The following BABAM2 variants were observed in gnomAD, a reference collection of about 807,000 sequenced individuals.
BABAM2 encodes BRISC and BRCA1-A complex member 2.
In BABAM2, 31 loss-of-function variants were observed where a neutral mutation model predicts 54.7. The ratio of observed to expected loss-of-function variants is 0.57; its 90% confidence interval spans 0.43 to 0.77. The LOEUF is 0.77. Ranked by LOEUF, BABAM2 falls within the 30% of genes least tolerant of loss-of-function variation. The probability of loss-of-function intolerance (pLI) is 0.00; values close to 1 mark genes in which losing one functional copy is unlikely to be tolerated. For synonymous variants in BABAM2, 167 were observed against 162.9 expected (o/e 1.03, Z -0.19); for missense variants, 364 against 455.8 (o/e 0.80, Z 1.83).
At chr2:28,104,346 AAAAC>A (rs1253955291) in intron 6 of BABAM2, among the ~76,000 whole-genome samples, 2 of 152,236 alleles carry the variant, frequency 1.3e-5, no homozygotes, top group African/African-American at 4.8e-5. Context: ...TTACAAGAAA[AAAAC>A]AAACAACCCC....
rs528547612 is a variant in BABAM2 at position 28,062,285 on chromosome 2, G to A, written c.570+16486G>A. Among the ~76,000 whole-genome samples the A allele has an allele frequency of 8.6e-5, 13 of 150,294 alleles. No homozygotes were observed. In the South Asian group the frequency reaches 2.7e-3, roughly 32 times the overall value. On this transcript the variant is annotated intron_variant, in intron 6 of 11. Coordinates refer to ENST00000379624, the MANE Select transcript of BABAM2 (RefSeq NM_199191.3). ...AAAAAAAAAAAAAACAAAAAACCTG[G>A]CCGGGCATGGTGGCACACACCTGTA...
At chr2:28,307,314 G>A (rs1347925086) in intron 11 of BABAM2, among the ~76,000 whole-genome samples, 4 of 151,514 alleles carry the variant, frequency 2.6e-5, no homozygotes, top group African/African-American at 9.7e-5. Flanking sequence ...GCCTTAATTG[G>A]AGTATTTCAT....
chr2:27,940,941 C>G (rs576441677), intron 3 of BABAM2, among the ~76,000 whole-genome samples: 1 of 152,168 alleles, frequency 6.6e-6, no homozygotes, highest in Non-Finnish European at 1.5e-5. Flanking sequence ...AACCAACCCC[C>G]GACTTCTGTT....
At chr2:28,257,783 G>T (rs951441686) in intron 10 of BABAM2, among the ~76,000 whole-genome samples, 1 of 152,148 alleles carries the variant, frequency 6.6e-6, no homozygotes, top group Non-Finnish European at 1.5e-5. Context: ...TACTCAGAAG[G>T]CTGAAGTGGG....
At chr2:28,037,067 A>T (rs1034553884) in intron 5 of BABAM2, among the ~76,000 whole-genome samples, 6 of 152,228 alleles carry the variant, frequency 3.9e-5, no homozygotes, top group East Asian at 3.9e-4. Flanking sequence ...AGTTTTTTTT[A>T]AATTCCTTAA....
intron 7 of BABAM2, among the ~76,000 whole-genome samples, chr2:28,196,075 C>T (rs906007518): frequency 6.6e-6 from 1 of 152,160 alleles, no homozygotes; most frequent in Non-Finnish European, 1.5e-5. Context: ...CGCCTGTAAT[C>T]CCAGCACTTT....
intron 7 of BABAM2, among the ~76,000 whole-genome samples, chr2:28,236,855 C>A (rs1030330869): frequency 3.9e-5 from 6 of 152,092 alleles, no homozygotes; most frequent in African/African-American, 1.4e-4. Flanking sequence ...TAATGAATAA[C>A]TTATCTGTGC....
chr2:28,292,302 TCC>T (rs1204246371), intron 10 of BABAM2, among the ~76,000 whole-genome samples: 1 of 152,334 alleles, frequency 6.6e-6, no homozygotes, highest in Non-Finnish European at 1.5e-5. Context: ...GATCGAACTG[TCC>T]CGCAAAACTG....
At chr2:28,283,089 G>A (rs1339956162) in intron 10 of BABAM2, among the ~76,000 whole-genome samples, 2 of 151,016 alleles carry the variant, frequency 1.3e-5, no homozygotes, top group African/African-American at 4.9e-5. Context: ...AAGCACAGAT[G>A]AATCAGTAAC....
intron 7 of BABAM2, among the ~76,000 whole-genome samples, chr2:28,200,213 A>T (rs1678113849): frequency 6.6e-6 from 1 of 152,154 alleles, no homozygotes; most frequent in Admixed American, 6.5e-5. Context: ...TCTTCACTGA[A>T]TTCCTTTCCC....
rs185368989 is a variant in BABAM2 at position 27,980,895 on chromosome 2, T to A, written c.206-7098T>A. 8.5e-4 allele frequency among the ~76,000 whole-genome samples: 129 copies of A among 152,226 alleles called. 1 individual carries two copies. In the East Asian group the frequency reaches 0.018, roughly 21 times the overall value. On this transcript the variant is annotated intron_variant, in intron 3 of 11. Transcript: ENST00000379624. ...GTGTATTTCAAAATAAAGAGTGGAA[T>A]TGGAATTTTCTTAACACAAAGAAAT...
At chr2:28,084,640 T>G (rs955475871) in intron 6 of BABAM2, among the ~76,000 whole-genome samples, 4 of 152,144 alleles carry the variant, frequency 2.6e-5, no homozygotes, top group African/African-American at 9.7e-5. Context: ...CCTTTTGTGC[T>G]GTTAGCATTG....
intron 11 of BABAM2, among the ~76,000 whole-genome samples, chr2:28,301,291 C>T (rs747759876): frequency 6.6e-6 from 1 of 152,218 alleles, no homozygotes; most frequent in Non-Finnish European, 1.5e-5. Flanking sequence ...TCAGAAAGGA[C>T]ACTTCCTGGC....
At chr2:28,201,410 C>G (rs944645296) in intron 7 of BABAM2, among the ~76,000 whole-genome samples, 1 of 151,994 alleles carries the variant, frequency 6.6e-6, no homozygotes, top group African/African-American at 2.4e-5. Context: ...ATTTATATTT[C>G]TTTTTTTATA....
rs774824111 is a variant in BABAM2 at position 28,338,617 on chromosome 2, G to A, written c.*104G>A. 3.1e-5 allele frequency: 44 copies of A among 1,398,108 alleles called. No individual in the cohort carries two copies. The highest frequency in any genetic ancestry group is 4.1e-5 in the Non-Finnish European group (41 of 992,116). 86.6% of individuals were successfully genotyped at this position (1,398,108 alleles called of 1,614,324 possible). On this transcript the variant is annotated 3_prime_UTR_variant, in exon 12 of 12. Transcript: ENST00000379624. Reference sequence around the variant, plus strand: ...CCGCCTGGAATGTCTTCACGGCAGCGTTTTGCTCACACAGCAGCTTTTGCA... The same window carrying A: ...CCGCCTGGAATGTCTTCACGGCAGCATTTTGCTCACACAGCAGCTTTTGCA...
At position 28,338,463 on chromosome 2, in the gene BABAM2, A is replaced by G. The variant is rs148732163; in HGVS notation, c.1102A>G (p.Thr368Ala). The part of the protein sequence containing the change: ...MAKRAKAYFK[T>A]FVPQFQEAAF... ...CTTTCCCACCAGGGCTTATTTCAAA[A>G]CCTTTGTCCCTCAGTTCCAGGAGGC... is the stretch of plus-strand genomic sequence containing the variant. The change falls in exon 12 of 12, where the codon ACC becomes GCC. Residue 368 changes from threonine (T) to alanine (A), a missense_variant. By Grantham distance (58) the Thr-to-Ala change is moderately conservative. Coordinates refer to ENST00000379624, the MANE Select transcript of BABAM2 (RefSeq NM_199191.3). The G allele has an allele frequency of 3.6e-3, 5,834 of 1,614,078 alleles. 23 individuals carry two copies. The highest frequency in any genetic ancestry group is 4.3e-3 in the South Asian group (388 of 91,078).
intron 3 of BABAM2, among the ~76,000 whole-genome samples, chr2:27,951,754 C>T (rs2148408237): frequency 6.6e-6 from 1 of 152,228 alleles, no homozygotes; most frequent in South Asian, 2.1e-4. Flanking sequence ...TGTTTGTTTA[C>T]ATGAGTAAGT....
chr2:28,182,057 G>A (rs1326537402), intron 7 of BABAM2, among the ~76,000 whole-genome samples: 1 of 152,154 alleles, frequency 6.6e-6, no homozygotes, highest in Non-Finnish European at 1.5e-5. Flanking sequence ...TGGCTGGAGT[G>A]GAGTGAAGCA....
intron 6 of BABAM2, among the ~76,000 whole-genome samples, chr2:28,101,462 A>T (rs954019552): frequency 6.6e-6 from 1 of 152,124 alleles, no homozygotes. Flanking sequence ...CACTGAGATG[A>T]TGATAATTTT....
Sources: allele counts gnomAD v4.1 joint callset (sites outside exome capture counted in the v4.1 genomes callset), GRCh38; gene constraint gnomAD v4.1.1; transcripts MANE v1.5; gene names NCBI Gene and HGNC (gene_info 2026-07-23, HGNC 2026-07-21).